Variants in SLC25A21 observed in about 807,000 individuals in gnomAD.
SLC25A21 encodes the protein solute carrier family 25 member 21, also known as mitochondrial 2-oxodicarboxylate carrier.
Under a neutral mutation model 43.8 loss-of-function variants are expected in SLC25A21, and 47 were observed. The ratio of observed to expected loss-of-function variants is 1.07; its 90% CI spans 0.85 to 1.37. SLC25A21 has a LOEUF of 1.37. SLC25A21 is among the 40% of genes most tolerant of loss of function. SLC25A21 has a pLI of 0.00. For missense variants in SLC25A21, 352 were observed against 350.2 expected (o/e 1.00, Z -0.04); for synonymous variants, 131 against 121.3 (o/e 1.08, Z -0.52).
chr14:36,963,076 A>T (rs1959532131), intron 1 of SLC25A21, among the ~76,000 whole-genome samples: 1 of 152,072 alleles, frequency 6.6e-6, no homozygotes, highest in African/African-American at 2.4e-5. Flanking sequence ...ATTATTCCAT[A>T]TTTTTTTGAG....
intron 1 of SLC25A21, among the ~76,000 whole-genome samples, chr14:37,147,337 A>T (rs773199334): frequency 2.6e-5 from 4 of 152,230 alleles, no homozygotes; most frequent in Non-Finnish European, 5.9e-5. Flanking sequence ...AAATGTCAAA[A>T]ATTCAAATTT....
chr14:37,047,000 G>A (rs1795162774), intron 1 of SLC25A21, among the ~76,000 whole-genome samples: 1 of 152,188 alleles, frequency 6.6e-6, no homozygotes, highest in South Asian at 2.1e-4. Context: ...GAACATCACA[G>A]TTCAAAAGCC....
chr14:36,886,011 AT>A (rs1403581223), intron 1 of SLC25A21, among the ~76,000 whole-genome samples: 2 of 152,220 alleles, frequency 1.3e-5, no homozygotes, highest in African/African-American at 2.4e-5. Context: ...ACATAAAAAA[AT>A]ACTTTTATAT....
chr14:36,711,789 C>T (rs1032659196), intron 6 of SLC25A21, among the ~76,000 whole-genome samples: 1 of 152,152 alleles, frequency 6.6e-6, no homozygotes, highest in African/African-American at 2.4e-5. Context: ...ACATCCAATT[C>T]TGGATTATTC....
chr14:37,158,223 T>C (rs1316025903), intron 1 of SLC25A21, among the ~76,000 whole-genome samples: 2 of 152,166 alleles, frequency 1.3e-5, no homozygotes, highest in African/African-American at 4.8e-5. Flanking sequence ...ATTCTCGCTA[T>C]CATTCTATGA....
At chr14:36,958,873 T>C (rs1282523056) in intron 1 of SLC25A21, among the ~76,000 whole-genome samples, 1 of 152,182 alleles carries the variant, frequency 6.6e-6, no homozygotes, top group Non-Finnish European at 1.5e-5. Flanking sequence ...TCTAAAACTG[T>C]ATTCTACAAC....
intron 1 of SLC25A21, among the ~76,000 whole-genome samples, chr14:37,001,273 C>T (rs530496612): frequency 6.6e-6 from 1 of 152,268 alleles, no homozygotes; most frequent in African/African-American, 2.4e-5. Context: ...GAATTACTAG[C>T]ACTTGTCAAG....
At chr14:37,031,508 A>AT (rs1961209792) in intron 1 of SLC25A21, among the ~76,000 whole-genome samples, 1 of 152,208 alleles carries the variant, frequency 6.6e-6, no homozygotes, top group East Asian at 1.9e-4. Flanking sequence ...TTAGGGAACT[A>AT]TTTGTTCCAC....
chr14:37,025,509 T>C (rs1219394832), intron 1 of SLC25A21, among the ~76,000 whole-genome samples: 1 of 152,172 alleles, frequency 6.6e-6, no homozygotes, highest in Non-Finnish European at 1.5e-5. Context: ...GCAAATTAAT[T>C]TGTGTTCGGA....
At chr14:36,789,437 A>G (rs1431028963) in intron 3 of SLC25A21, among the ~76,000 whole-genome samples, 1 of 151,892 alleles carries the variant, frequency 6.6e-6, no homozygotes, top group African/African-American at 2.4e-5. Flanking sequence ...TGATAAACAT[A>G]TATATTTAAA....
At chr14:37,156,523 C>T (rs1319015258) in intron 1 of SLC25A21, among the ~76,000 whole-genome samples, 1 of 151,938 alleles carries the variant, frequency 6.6e-6, no homozygotes, top group Non-Finnish European at 1.5e-5. Flanking sequence ...CTATATACTG[C>T]TTACAAGAAA....
At chr14:36,912,742 T>G (rs1161220786) in intron 1 of SLC25A21, among the ~76,000 whole-genome samples, 2 of 152,206 alleles carry the variant, frequency 1.3e-5, no homozygotes, top group African/African-American at 4.8e-5. Context: ...TGGGTAAGTC[T>G]GTCTATAAAT....
intron 1 of SLC25A21, among the ~76,000 whole-genome samples, chr14:36,986,081 A>G (rs966731290): frequency 2.0e-5 from 3 of 152,200 alleles, no homozygotes; most frequent in African/African-American, 7.2e-5. Flanking sequence ...AATGGTATTT[A>G]GAAATCAAGA....
chr14:36,811,367 T>C (rs1015183850), intron 3 of SLC25A21, among the ~76,000 whole-genome samples: 2 of 152,068 alleles, frequency 1.3e-5, no homozygotes, highest in South Asian at 2.1e-4. Flanking sequence ...GGCAGCAGCA[T>C]TGGCTGGGTG....
intron 1 of SLC25A21, among the ~76,000 whole-genome samples, chr14:36,879,460 G>A (rs553546966): frequency 2.5e-4 from 38 of 152,096 alleles, no homozygotes; most frequent in Admixed American, 1.0e-3. Context: ...TTAATATATT[G>A]TAAATGTTTT....
intron 3 of SLC25A21, among the ~76,000 whole-genome samples, chr14:36,738,143 C>T (rs151229481): frequency 3.9e-5 from 6 of 152,250 alleles, no homozygotes; most frequent in African/African-American, 1.4e-4. Context: ...AAAATTTGCC[C>T]TTGAGCAGAC....
At chr14:36,867,187 C>T (rs1890237320) in intron 2 of SLC25A21, among the ~76,000 whole-genome samples, 1 of 152,146 alleles carries the variant, frequency 6.6e-6, no homozygotes, top group Non-Finnish European at 1.5e-5. Flanking sequence ...TTTCCCAATC[C>T]AGTCACTGAA....
chr14:36,786,608 CT>C (rs1279566173), intron 3 of SLC25A21, among the ~76,000 whole-genome samples: 1 of 152,208 alleles, frequency 6.6e-6, no homozygotes, highest in East Asian at 1.9e-4. Context: ...CCTCCCAACT[CT>C]TTGCAAGGCT....
chr14:37,114,784 A>C (rs1305056075), intron 1 of SLC25A21, among the ~76,000 whole-genome samples: 1 of 144,226 alleles, frequency 6.9e-6, no homozygotes, highest in East Asian at 2.2e-4. Context: ...AGTCATTTTT[A>C]TGGCGGGGGG....
Sources: allele counts gnomAD v4.1 joint callset (sites outside exome capture counted in the v4.1 genomes callset), GRCh38; gene constraint gnomAD v4.1.1; transcripts MANE v1.5; gene names NCBI Gene and HGNC (gene_info 2026-07-23, HGNC 2026-07-21).